The following NEMP1 variants were observed in gnomAD, a reference collection of about 807,000 sequenced individuals.
NEMP1 encodes transmembrane protein 194.
Under a neutral mutation model 53.7 loss-of-function variants are expected in NEMP1, and 29 were observed. The observed-to-expected ratio is 0.54, with a 90% CI of 0.40 to 0.74. The LOEUF (loss-of-function observed/expected upper bound fraction) is 0.74, where lower values mean the gene tolerates loss of function less well. Among genes scored for constraint, NEMP1 ranks in the 30% least tolerant of loss-of-function variants. NEMP1 has a pLI of 0.00. For synonymous variants in NEMP1, 193 were observed against 192.9 expected, an observed-to-expected ratio of 1.00 and a Z score of 0.00; for missense variants, 477 against 528.6, an observed-to-expected ratio of 0.90 and a Z score of 0.96.
rs1014432338 is a variant in NEMP1, at chr12:57,058,928, C to T, written c.*951G>A. On this transcript the variant is annotated 3_prime_UTR_variant, in exon 9 of 9. Transcript: ENST00000300128. ...GACCCAATGACAGGAAAATGGAGAACGTATAAAAAGCATCCAAATCCCCTA... is the reference window on the plus strand; with the variant it reads ...GACCCAATGACAGGAAAATGGAGAATGTATAAAAAGCATCCAAATCCCCTA... 6.6e-6 allele frequency: 1 copy of T among 152,020 alleles called. No homozygotes were observed. The highest frequency in any genetic ancestry group is 2.4e-5 in the African/African-American group (1 of 41,384). 9.4% of individuals were successfully genotyped at this position (152,020 alleles called of 1,614,324 possible).
At position 57,063,495 on chromosome 12, in the gene NEMP1, T is replaced by C. The variant is rs1026918208; in HGVS notation, c.755-151A>G. 4.3e-5 allele frequency: 29 copies of C among 673,204 alleles called. No individual in the cohort carries two copies. The East Asian group carries it at 7.7e-4, about 18-fold the overall frequency. The allele number at this position is 673,204 out of a possible 1,614,324, so 41.7% of individuals were successfully genotyped here. A position where few individuals can be genotyped will look rare whatever the true frequency, so the allele number is the denominator to read the frequency against. Reference sequence around the variant, plus strand: ...TTTTTCACACTTTTTTCTTAGAATATATTTCTCTAAGTTTCTATCCTTTCT... The same window carrying C: ...TTTTTCACACTTTTTTCTTAGAATACATTTCTCTAAGTTTCTATCCTTTCT... On this transcript the variant is annotated intron_variant, in intron 6 of 8. Transcript: ENST00000300128.
intron 1 of NEMP1, among the ~76,000 whole-genome samples, chr12:57,076,818 T>A (rs1031108401): frequency 6.7e-6 from 1 of 149,422 alleles, no homozygotes; most frequent in East Asian, 2.0e-4. Flanking sequence ...AAAAAAAAAA[T>A]TAGCCGAGTG....
chr12:57,059,548 A>C lies in NEMP1; in HGVS notation c.*331T>G, dbSNP rs2031694291. ...TTTGGAGAGCCAGCCAGTGACAGAA[A>C]TGCCATGATTGAATCAACTTTCAAG... On this transcript the variant is annotated 3_prime_UTR_variant, in exon 9 of 9. Transcript: ENST00000300128. The C allele has an allele frequency of 4.9e-6, 1 of 202,518 alleles. No homozygotes were observed. Among genetic ancestry groups the C allele is most frequent in the Non-Finnish European group, 1.0e-5 (1 of 99,914 alleles). The allele number at this position is 202,518 out of a possible 1,614,324, so 12.5% of individuals were successfully genotyped here. A position where few individuals can be genotyped will look rare whatever the true frequency, so the allele number is the denominator to read the frequency against.
At chr12:57,060,360 G>C (rs1159266700) in intron 8 of NEMP1, among the ~76,000 whole-genome samples, 1 of 152,206 alleles carries the variant, frequency 6.6e-6, no homozygotes, top group Non-Finnish European at 1.5e-5. Flanking sequence ...CCTGATAAGA[G>C]AAGATTAAGG....
intron 1 of NEMP1, among the ~76,000 whole-genome samples, chr12:57,073,160 TA>T (rs2032432838): frequency 6.6e-6 from 1 of 151,304 alleles, no homozygotes; most frequent in South Asian, 2.1e-4. Context: ...ATTAAGTATC[TA>T]TTTTTTTTTT....
chr12:57,088,569 C>T (rs932429441), upstream of NEMP1, among the ~76,000 whole-genome samples: 2 of 152,190 alleles, frequency 1.3e-5, no homozygotes, highest in African/African-American at 4.8e-5. Context: ...CGGGCGTCCC[C>T]GTAGTTGTTT....
intron 1 of NEMP1, among the ~76,000 whole-genome samples, chr12:57,075,550 G>A (rs1318191227): frequency 2.0e-5 from 3 of 150,088 alleles, no homozygotes; most frequent in Non-Finnish European, 3.0e-5. Context: ...GGGCCCAGGC[G>A]TGGTGGCTCA....
chr12:57,085,433 C>T (rs1299569336), intron 1 of NEMP1, among the ~76,000 whole-genome samples: 1 of 152,174 alleles, frequency 6.6e-6, no homozygotes, highest in Non-Finnish European at 1.5e-5. Context: ...CAGAACAGAT[C>T]ACTCACCCTC....
chr12:57,074,739 C>T (rs1346905234), intron 1 of NEMP1, among the ~76,000 whole-genome samples: 1 of 152,252 alleles, frequency 6.6e-6, no homozygotes, highest in Non-Finnish European at 1.5e-5. Flanking sequence ...TTTACCAAAA[C>T]AGAAGATTCT....
chr12:57,060,039 C>A lies in NEMP1; in HGVS notation c.1175G>T (p.Gly392Val). 1 of 1,613,862 alleles carries A rather than the reference C, an allele frequency of 6.2e-7. No individual in the cohort carries two copies. Among genetic ancestry groups the A allele is most frequent in the Non-Finnish European group, 8.5e-7 (1 of 1,179,872 alleles). Residue 392 changes from glycine (G) to valine (V), a missense_variant, in exon 9 of 9, where the codon GGC becomes GTC. Transcript: ENST00000300128. ...SPKRFADFVE[G>V]SSHLTPNEVS... ...TTCATTTGGCGTGAGGTGGGAAGAG[C>A]CTTCCACAAAGTCAGCAAATCTGGA...
chr12:57,070,586 G>A, intron 3 of NEMP1, 88 bp downstream of exon 3: 1 of 1,154,016 alleles, frequency 8.7e-7, no homozygotes, highest in Non-Finnish European at 1.2e-6. Context: ...GCTGTCTTAG[G>A]CTGACTTCTC....
chr12:57,068,533 G>T (rs1466775026), intron 4 of NEMP1, among the ~76,000 whole-genome samples: 2 of 151,872 alleles, frequency 1.3e-5, no homozygotes, highest in African/African-American at 4.8e-5. Flanking sequence ...GTATAGACAG[G>T]GTTTTGCCAT....
upstream of NEMP1, among the ~76,000 whole-genome samples, chr12:57,081,889 A>G (rs1346310096): frequency 6.8e-6 from 1 of 146,700 alleles, no homozygotes; most frequent in African/African-American, 2.5e-5. Flanking sequence ...CCTGGGCGAC[A>G]GAGCAAGACT....
At chr12:57,072,724 T>C (rs1164821580) in intron 2 of NEMP1, 64 bp downstream of exon 2, 2 of 1,517,960 alleles carry the variant, frequency 1.3e-6, no homozygotes, top group Non-Finnish European at 1.8e-6. Flanking sequence ...AGTGTCAAAA[T>C]ACTCACTAAT....
At position 57,070,828 on chromosome 12, in the gene NEMP1, C is replaced by T. The variant is rs1166254343; in HGVS notation, c.318G>A (p.Glu106=). 2 of 1,614,186 alleles carry T rather than the reference C, an allele frequency of 1.2e-6. No homozygotes were observed. Among genetic ancestry groups the T allele is most frequent in the Admixed American group, 3.3e-5 (2 of 60,026 alleles). Residue 106 remains glutamate, a synonymous_variant, in exon 3 of 9, where the codon GAG becomes GAA. Coordinates refer to ENST00000300128, the MANE Select transcript of NEMP1 (RefSeq NM_001130963.2). ...AGTTCCAGATACTAAACTGCTCTAG[C>T]TCCTTCAGTTTCTCCTCATTCTCCA... ...TQVENEEKLK[E]LEQFSIWNFF...
upstream of NEMP1, among the ~76,000 whole-genome samples, chr12:57,079,145 C>T (rs1181328265): frequency 6.6e-6 from 1 of 152,176 alleles, no homozygotes; most frequent in Non-Finnish European, 1.5e-5. Context: ...CTTCCGTTTT[C>T]TTTCGGTTAC....
At chr12:57,079,940 G>A (rs1267938939), upstream of NEMP1, among the ~76,000 whole-genome samples, 1 of 151,918 alleles carries the variant, frequency 6.6e-6, no homozygotes, top group East Asian at 1.9e-4. Context: ...CCAGCTATTT[G>A]TTTGTTTCAT....
intron 4 of NEMP1, among the ~76,000 whole-genome samples, chr12:57,065,889 T>C (rs562401561): frequency 1.3e-5 from 2 of 152,264 alleles, no homozygotes; most frequent in South Asian, 4.1e-4. Flanking sequence ...CTTCTGAGGC[T>C]TCCTCACCTC....
intron 5 of NEMP1, 92 bp from the exon 6 acceptor site, chr12:57,064,277 A>C: frequency 1.3e-6 from 1 of 741,430 alleles, no homozygotes; most frequent in Non-Finnish European, 2.2e-6. Flanking sequence ...TTTTTTTAAA[A>C]AATTCAACCT....
Sources: gnomAD v4.1 joint callset for allele counts (sites outside exome capture counted in the v4.1 genomes callset) on GRCh38, gnomAD v4.1.1 for gene constraint, MANE v1.5 for transcripts, NCBI Gene and HGNC (gene_info 2026-07-23, HGNC 2026-07-21) for gene names.